DGKH: variants seen among roughly 807,000 people sequenced by gnomAD.
DGKH encodes DAG kinase eta.
Under a neutral mutation model 159.3 loss-of-function variants are expected in DGKH, and 90 were observed. The ratio of observed to expected loss-of-function variants is 0.57; its 90% CI spans 0.48 to 0.67. The LOEUF is 0.67. DGKH is among the 30% of genes least tolerant of loss of function. The pLI is 0.00. For synonymous variants in DGKH, 536 were observed against 553.8 expected, an observed-to-expected ratio of 0.97 and a Z score of 0.45; for missense variants, 1,181 against 1,506.1, an observed-to-expected ratio of 0.78 and a Z score of 3.57.
chr13:42,151,503 G>GTGTGTGTA (rs1955884438), intron 3 of DGKH, among the ~76,000 whole-genome samples: 1 of 83,062 alleles, frequency 1.2e-5, no homozygotes, highest in South Asian at 5.1e-4. Flanking sequence ...GTGTGTGTGT[G>GTGTGTGTA]TGTATACACA....
chr13:42,171,495 C>T lies in DGKH; in HGVS notation c.1368-2565C>T, dbSNP rs142567755. Among the ~76,000 whole-genome samples, 1,006 of 152,244 alleles carry T rather than the reference C, an allele frequency of 6.6e-3. 8 individuals are homozygous for T. Among genetic ancestry groups the T allele is most frequent in the African/African-American group, 0.022 (934 of 41,552 alleles). On this transcript the variant is annotated intron_variant, in intron 11 of 29. Transcript: ENST00000337343. ...TTATTTAGCTCCAACCATTTCCTAT[C>T]GAGTGGGGAGGTATAGCATGGAGGG...
At chr13:42,163,876 A>G (rs1480842864) in intron 7 of DGKH, among the ~76,000 whole-genome samples, 7 of 151,914 alleles carry the variant, frequency 4.6e-5, no homozygotes, top group Non-Finnish European at 8.8e-5. Context: ...ATTAGATCCC[A>G]TTTGTCAATT....
rs1955700737 is a variant in DGKH, at chr13:42,145,450, G to C, written c.385-9841G>C. ...CCTGGAACTCAGGGTTGAGGTGGAG[G>C]GTTGGCCAGCTGTCAGGATGCTCTC... On this transcript the variant is annotated intron_variant, in intron 3 of 29. Coordinates refer to ENST00000337343, the MANE Select transcript of DGKH (RefSeq NM_178009.5). Among the ~76,000 whole-genome samples, 3 of 152,146 alleles carry C rather than the reference G, an allele frequency of 2.0e-5. No homozygotes were observed. In the South Asian group the frequency reaches 6.2e-4, roughly 32 times the overall value.
chr13:42,225,211 C>A (rs1018168702), intron 29 of DGKH: 58 of 1,452,120 alleles, frequency 4.0e-5, no homozygotes, highest in Non-Finnish European at 3.1e-5. Flanking sequence ...GTGTGAGCCA[C>A]CATGCCCAGC....
intron 16 of DGKH, among the ~76,000 whole-genome samples, chr13:42,191,848 C>G (rs988324299): frequency 1.3e-5 from 2 of 151,870 alleles, no homozygotes; most frequent in Non-Finnish European, 2.9e-5. Flanking sequence ...ATTTAAAAAC[C>G]TGTTTTTATC....
chr13:42,225,388 G>A (rs1958098523), intron 29 of DGKH: 1 of 1,439,594 alleles, frequency 6.9e-7, no homozygotes, highest in Non-Finnish European at 9.4e-7. Flanking sequence ...TTGGAAAGTT[G>A]TGTATGTATG....
chr13:42,049,398 C>T (rs1275545351), intron 1 of DGKH, among the ~76,000 whole-genome samples: 4 of 152,212 alleles, frequency 2.6e-5, no homozygotes, highest in Non-Finnish European at 4.4e-5. Context: ...TTCAATTTTT[C>T]TTCCCTGCCG....
intron 3 of DGKH, among the ~76,000 whole-genome samples, chr13:42,151,511 ACATG>A (rs1328065260): frequency 4.5e-4 from 49 of 108,700 alleles, no homozygotes; most frequent in African/African-American, 2.1e-3. Flanking sequence ...GTGTGTATAC[ACATG>A]TATATATATA....
chr13:42,179,515 G>C (rs1925763), intron 13 of DGKH, among the ~76,000 whole-genome samples: 12,634 of 152,194 alleles, frequency 0.083, 1,424 homozygotes, highest in African/African-American at 0.26. Context: ...GCTCATGCCT[G>C]TAATTCCAAC....
chr13:42,116,834 C>G (rs1428109109), intron 1 of DGKH, among the ~76,000 whole-genome samples: 1 of 152,174 alleles, frequency 6.6e-6, no homozygotes, highest in African/African-American at 2.4e-5. Flanking sequence ...AATTCTGCAG[C>G]TTTAAGACAT....
rs1450821487 is a variant in DGKH, at chr13:42,229,897, T to C, written c.*709T>C. On this transcript the variant is annotated 3_prime_UTR_variant, in exon 30 of 30. Coordinates refer to ENST00000337343, the MANE Select transcript of DGKH (RefSeq NM_178009.5). ...TTTTGTTGGTTAAGGGCACTGCACT[T>C]TTCTGTTTTTTAATGTGGGATTTTG... is the stretch of plus-strand genomic sequence containing the variant. 6.6e-6 allele frequency: 1 copy of C among 152,314 alleles called. No homozygotes were observed. Among genetic ancestry groups the C allele is most frequent in the African/African-American group, 2.4e-5 (1 of 41,456 alleles). 9.4% of individuals were successfully genotyped at this position (152,314 alleles called of 1,614,324 possible).
chr13:42,228,686 AAG>A (rs10571520), intron 29 of DGKH, among the ~76,000 whole-genome samples: 104,347 of 150,984 alleles, frequency 0.69, 36,569 homozygotes, highest in East Asian at 0.89. Context: ...AGAGAAAAGA[AAG>A]AGAGAGAGAT....
intron 1 of DGKH, among the ~76,000 whole-genome samples, chr13:42,114,651 G>T (rs576402215): frequency 6.6e-6 from 1 of 152,034 alleles, no homozygotes; most frequent in Non-Finnish European, 1.5e-5. Context: ...AGATAAGATC[G>T]GTGTTCTAAG....
At chr13:42,082,000 A>T (rs549227261) in intron 1 of DGKH, among the ~76,000 whole-genome samples, 1 of 152,184 alleles carries the variant, frequency 6.6e-6, no homozygotes, top group East Asian at 1.9e-4. Flanking sequence ...CACCCCACAA[A>T]GTTCATTCAC....
intron 1 of DGKH, among the ~76,000 whole-genome samples, chr13:42,094,556 A>G (rs1214081824): frequency 6.6e-6 from 1 of 152,182 alleles, no homozygotes; most frequent in Non-Finnish European, 1.5e-5. Flanking sequence ...AAGAGTTTAC[A>G]TTTTATCTTC....
At chr13:42,220,542 C>G (rs1422710472) in intron 28 of DGKH, among the ~76,000 whole-genome samples, 2 of 152,110 alleles carry the variant, frequency 1.3e-5, no homozygotes, top group Non-Finnish European at 2.9e-5. Context: ...TGATGTAAAG[C>G]CTTATTTGTG....
At chr13:42,058,669 C>G (rs745366997) in intron 1 of DGKH, among the ~76,000 whole-genome samples, 1 of 152,190 alleles carries the variant, frequency 6.6e-6, no homozygotes, top group African/African-American at 2.4e-5. Flanking sequence ...TTCTTCTTGG[C>G]CCACCATTAG....
At chr13:42,141,028 C>CCATTAACTCGTCATCTACATTAGGTATAT in intron 3 of DGKH, among the ~76,000 whole-genome samples, 1 of 52,094 alleles carries the variant, frequency 1.9e-5, no homozygotes, top group African/African-American at 6.6e-5. Context: ...TGTGCTGAAC[C>CCATTAACTCGTCATCTACATTAGGTATAT]CTCCTAATGC....
chr13:42,082,305 T>C (rs1235356701), intron 1 of DGKH, among the ~76,000 whole-genome samples: 1 of 152,130 alleles, frequency 6.6e-6, no homozygotes, highest in Admixed American at 6.6e-5. Flanking sequence ...TGTTTATTGA[T>C]AGCAATAATA....
Sources: allele counts gnomAD v4.1 joint callset (sites outside exome capture counted in the v4.1 genomes callset), GRCh38; gene constraint gnomAD v4.1.1; transcripts MANE v1.5; gene names NCBI Gene and HGNC (gene_info 2026-07-23, HGNC 2026-07-21).